Variants in SOX5 observed in about 807,000 individuals in gnomAD.
SOX5 encodes transcription factor SOX-5.
A neutral mutation model predicts 92.0 loss-of-function variants in SOX5; 9 were observed. That is an observed-to-expected ratio of 0.10 (90% CI 0.06 to 0.17). SOX5 has a LOEUF of 0.17. Ranked by LOEUF, SOX5 falls within the 10% of genes least tolerant of loss-of-function variation. The pLI is 1.00. For synonymous variants in SOX5, 344 were observed against 336.3 expected (o/e 1.02, Z -0.25); for missense variants, 642 against 944.5 (o/e 0.68, Z 4.20).
intron 4 of SOX5, among the ~76,000 whole-genome samples, chr12:24,036,166 G>A (rs1956016951): frequency 1.3e-5 from 2 of 151,990 alleles, no homozygotes; most frequent in Admixed American, 1.3e-4. Flanking sequence ...CACAAATACT[G>A]TAATATAGAA....
chr12:23,920,638 T>G (rs1937923887), intron 1 of SOX5: 1 of 152,164 alleles, frequency 6.6e-6, no homozygotes. Flanking sequence ...AGAATACCAT[T>G]GCTTTTATCC....
At chr12:23,672,287 G>A (rs891389066) in intron 6 of SOX5, among the ~76,000 whole-genome samples, 13 of 152,046 alleles carry the variant, frequency 8.6e-5, no homozygotes, top group Admixed American at 6.6e-5. Context: ...AACAGCACAA[G>A]CATGCACTTG....
intron 3 of SOX5, among the ~76,000 whole-genome samples, chr12:23,794,897 GA>G (rs1420826098): frequency 6.6e-6 from 1 of 150,694 alleles, no homozygotes; most frequent in African/African-American, 2.4e-5. Context: ...GCATCTCAAT[GA>G]TTTTTAAAGT....
At chr12:23,972,315 C>A (rs1433908365) in intron 4 of SOX5, among the ~76,000 whole-genome samples, 1 of 152,064 alleles carries the variant, frequency 6.6e-6, no homozygotes, top group Non-Finnish European at 1.5e-5. Context: ...ATATCCTGGT[C>A]AGATTCCTAA....
intron 6 of SOX5, among the ~76,000 whole-genome samples, chr12:23,686,030 C>A (rs936439956): frequency 6.6e-6 from 1 of 152,120 alleles, no homozygotes; most frequent in Non-Finnish European, 1.5e-5. Context: ...TCCCTTTAAG[C>A]ATGAAATTCA....
chr12:24,191,438 C>A (rs1956516749), intron 4 of SOX5, among the ~76,000 whole-genome samples: 2 of 152,184 alleles, frequency 1.3e-5, no homozygotes, highest in Non-Finnish European at 2.9e-5. Flanking sequence ...TGCTCCAGGC[C>A]AGTTTAGCAG....
intron 3 of SOX5, among the ~76,000 whole-genome samples, chr12:24,232,078 C>T (rs1276633417): frequency 2.6e-5 from 4 of 152,026 alleles, no homozygotes; most frequent in Non-Finnish European, 5.9e-5. Flanking sequence ...CAGATGATTC[C>T]ATCTTGCCTT....
chr12:23,773,313 C>T (rs2094994149), intron 3 of SOX5, among the ~76,000 whole-genome samples: 1 of 152,112 alleles, frequency 6.6e-6, no homozygotes, highest in South Asian at 2.1e-4. Flanking sequence ...TTCTGAAAAA[C>T]CAAACTGTAA....
chr12:23,654,779 T>C (rs2082107596), intron 7 of SOX5, among the ~76,000 whole-genome samples: 1 of 152,088 alleles, frequency 6.6e-6, no homozygotes, highest in African/African-American at 2.4e-5. Context: ...TTATAAGAAA[T>C]GCTAATATTT....
chr12:24,068,448 G>A (rs1170553754), intron 4 of SOX5, among the ~76,000 whole-genome samples: 1 of 151,750 alleles, frequency 6.6e-6, no homozygotes, highest in Admixed American at 6.6e-5. Context: ...GTTATATTTG[G>A]AAGTAATTAG....
intron 7 of SOX5, among the ~76,000 whole-genome samples, chr12:23,642,733 C>A (rs1479253260): frequency 6.6e-6 from 1 of 152,122 alleles, no homozygotes; most frequent in Non-Finnish European, 1.5e-5. Flanking sequence ...TGAGTAAAAT[C>A]ACTTGGGTGG....
At chr12:24,305,661 G>T (rs377347370) in intron 2 of SOX5, among the ~76,000 whole-genome samples, 9 of 152,094 alleles carry the variant, frequency 5.9e-5, no homozygotes, top group African/African-American at 2.2e-4. Flanking sequence ...GCAGTGGCGC[G>T]ATCGCGGCTC....
intron 2 of SOX5, among the ~76,000 whole-genome samples, chr12:23,892,882 C>A (rs910250464): frequency 6.6e-6 from 1 of 152,082 alleles, no homozygotes; most frequent in Admixed American, 6.6e-5. Flanking sequence ...ATTCTCAATT[C>A]GTTTTTAGGA....
chr12:24,524,475 G>A (rs1950534144), intron 1 of SOX5, among the ~76,000 whole-genome samples: 2 of 151,590 alleles, frequency 1.3e-5, no homozygotes, highest in South Asian at 4.2e-4. Context: ...GTTAAGAGGT[G>A]AATATCTGAA....
intron 1 of SOX5, among the ~76,000 whole-genome samples, chr12:24,506,119 C>G (rs1948719561): frequency 6.6e-6 from 1 of 152,022 alleles, no homozygotes. Flanking sequence ...AGGATAGTAG[C>G]ATCTTTTTGT....
At chr12:24,351,063 CAAAAAAGAAA>C (rs1212651486) in intron 2 of SOX5, among the ~76,000 whole-genome samples, 1 of 151,220 alleles carries the variant, frequency 6.6e-6, no homozygotes, top group Admixed American at 6.6e-5. Flanking sequence ...GACTCTATCT[CAAAAAAGAAA>C]AGAAAAGAAA....
At chr12:24,236,009 A>G (rs554747749) in intron 3 of SOX5, among the ~76,000 whole-genome samples, 123 of 152,104 alleles carry the variant, frequency 8.1e-4, no homozygotes, top group Non-Finnish European at 1.1e-3. Context: ...TTAACATGGT[A>G]AAACCCCACC....
chr12:24,255,620 G>A (rs921998799), intron 3 of SOX5, among the ~76,000 whole-genome samples: 9 of 152,116 alleles, frequency 5.9e-5, no homozygotes, highest in Non-Finnish European at 1.2e-4. Flanking sequence ...GAATTAGGTA[G>A]GTGGAATGTA....
At position 23,698,342 on chromosome 12, in the gene SOX5, C is replaced by A. The variant is rs551285402; in HGVS notation, c.811-32778G>T. Among the ~76,000 whole-genome samples the A allele has an allele frequency of 1.1e-4, 17 of 152,222 alleles. No homozygotes were observed. In the East Asian group the frequency reaches 3.3e-3, roughly 29 times the overall value. On this transcript the variant is annotated intron_variant, in intron 6 of 14. Coordinates refer to ENST00000451604, the MANE Select transcript of SOX5 (RefSeq NM_006940.6). ...CTTAATGAATTTTGTCTGTCTCCTT[C>A]TTCCTTCACCCCACTTCACTGACAT...
Sources: allele counts gnomAD v4.1 joint callset (sites outside exome capture counted in the v4.1 genomes callset), GRCh38; gene constraint gnomAD v4.1.1; transcripts MANE v1.5; gene names NCBI Gene and HGNC (gene_info 2026-07-23, HGNC 2026-07-21).